CARMIL1: variants seen among roughly 807,000 people sequenced by gnomAD.
The protein encoded by CARMIL1 is capping protein regulator and myosin 1 linker 1, also known as F-actin-uncapping protein LRRC16A.
A neutral mutation model predicts 177.1 loss-of-function variants in CARMIL1; 90 were observed. That is an observed-to-expected ratio of 0.51 (90% CI 0.43 to 0.61). CARMIL1 has a LOEUF of 0.61. Among genes scored for constraint, CARMIL1 ranks in the 20% least tolerant of loss-of-function variants. The pLI, the probability that CARMIL1 is intolerant of heterozygous loss-of-function variation, is 0.00. For missense variants in CARMIL1, 1,380 were observed against 1,667.0 expected, an observed-to-expected ratio of 0.83 and a Z score of 3.00; for synonymous variants, 577 against 606.2, an observed-to-expected ratio of 0.95 and a Z score of 0.71.
chr6:25,440,700 G>A (rs1464460914), intron 5 of CARMIL1, among the ~76,000 whole-genome samples: 1 of 152,078 alleles, frequency 6.6e-6, no homozygotes. Flanking sequence ...TATAAATAAT[G>A]CACAATAGAA....
At chr6:25,385,507 A>C (rs1792062528) in intron 2 of CARMIL1, among the ~76,000 whole-genome samples, 1 of 152,216 alleles carries the variant, frequency 6.6e-6, no homozygotes, top group Non-Finnish European at 1.5e-5. Flanking sequence ...GTAAACATTT[A>C]TTGAGCACTT....
intron 11 of CARMIL1, among the ~76,000 whole-genome samples, chr6:25,481,412 A>C (rs983195343): frequency 6.6e-6 from 1 of 152,242 alleles, no homozygotes; most frequent in Non-Finnish European, 1.5e-5. Flanking sequence ...AAGGGCAGCA[A>C]CCAGCACAGT....
At chr6:25,327,167 G>A (rs1373800753) in intron 2 of CARMIL1, among the ~76,000 whole-genome samples, 2 of 152,148 alleles carry the variant, frequency 1.3e-5, no homozygotes, top group Non-Finnish European at 2.9e-5. Context: ...TATCACCAAG[G>A]AGAGAGATAG....
intron 2 of CARMIL1, among the ~76,000 whole-genome samples, chr6:25,305,094 T>A (rs79860462): frequency 0.028 from 4,254 of 152,308 alleles, 72 homozygotes; most frequent in Non-Finnish European, 0.038. Context: ...TGAGAAGAAT[T>A]ATCTTCCTGC....
chr6:25,461,940 A>G (rs1480528139), intron 8 of CARMIL1, among the ~76,000 whole-genome samples: 3 of 152,062 alleles, frequency 2.0e-5, no homozygotes, highest in Non-Finnish European at 4.4e-5. Flanking sequence ...AATTGTGAGC[A>G]TCCTTTCATG....
chr6:25,520,156 A>G lies in CARMIL1; in HGVS notation c.1875-88A>G, dbSNP rs1806403835. ...AATTTTCTAAGCTACTCTTGCAGCT[A>G]TCCTTTTGGATTTTTAAAAGAAGAG... is the stretch of plus-strand genomic sequence containing the variant. On this transcript the variant is annotated intron_variant, in intron 22 of 36. Transcript: ENST00000329474. 2.6e-5 allele frequency: 17 copies of G among 642,188 alleles called. No homozygotes were observed. The South Asian group carries it at 3.7e-4, about 14-fold the overall frequency. 39.8% of individuals were successfully genotyped at this position (642,188 alleles called of 1,614,324 possible).
At chr6:25,349,635 C>T (rs891697562) in intron 2 of CARMIL1, among the ~76,000 whole-genome samples, 2 of 152,136 alleles carry the variant, frequency 1.3e-5, no homozygotes, top group African/African-American at 4.8e-5. Context: ...TGTTTACCAC[C>T]AGGGATGATC....
At chr6:25,543,008 A>G (rs1809074072) in intron 26 of CARMIL1, among the ~76,000 whole-genome samples, 5 of 152,192 alleles carry the variant, frequency 3.3e-5, no homozygotes, top group Admixed American at 3.3e-4. Flanking sequence ...AACTTGCAAG[A>G]GCTAAAGTCG....
chr6:25,518,245 C>T (rs75139806), intron 22 of CARMIL1, among the ~76,000 whole-genome samples: 88 of 152,226 alleles, frequency 5.8e-4, no homozygotes, highest in African/African-American at 2.0e-3. Flanking sequence ...GTGGTACAAC[C>T]CTAGACTGGG....
At chr6:25,410,138 T>A (rs557364393) in intron 2 of CARMIL1, among the ~76,000 whole-genome samples, 2 of 140,194 alleles carry the variant, frequency 1.4e-5, no homozygotes, top group Admixed American at 7.1e-5. Context: ...AACTATCTTA[T>A]AACTTTGTTC....
intron 2 of CARMIL1, among the ~76,000 whole-genome samples, chr6:25,384,482 A>T (rs1237397476): frequency 6.6e-6 from 1 of 152,214 alleles, no homozygotes; most frequent in African/African-American, 2.4e-5. Flanking sequence ...CTTCTACCAC[A>T]AGAGTGGCCT....
intron 2 of CARMIL1, among the ~76,000 whole-genome samples, chr6:25,364,270 C>T (rs986230917): frequency 8.5e-5 from 13 of 152,112 alleles, no homozygotes; most frequent in Admixed American, 8.5e-4. Context: ...AGGTTTTACA[C>T]ACATTCTTTT....
Position 25,509,148 on chromosome 6 carries a change from G to A in CARMIL1, c.1396-508G>A, listed in dbSNP as rs920901239. Among the ~76,000 whole-genome samples the A allele has an allele frequency of 6.6e-6, 1 of 152,050 alleles. No individual in the cohort carries two copies. Among genetic ancestry groups the A allele is most frequent in the African/African-American group, 2.4e-5 (1 of 41,400 alleles). ...TAGTTAGCTAATATCTGCCTTATGA[G>A]TGAGAACTCACACTCATGTCTTAGA... On this transcript the variant is annotated intron_variant, in intron 17 of 36. Transcript: ENST00000329474. The surrounding 1 kb of genome is among the most constrained non-coding windows in gnomAD (Gnocchi z 4.1).
At chr6:25,518,547 C>G (rs1263682612) in intron 22 of CARMIL1, among the ~76,000 whole-genome samples, 1 of 152,178 alleles carries the variant, frequency 6.6e-6, no homozygotes, top group Non-Finnish European at 1.5e-5. Flanking sequence ...TGCATTGCCA[C>G]TGCATGATTA....
intron 10 of CARMIL1, among the ~76,000 whole-genome samples, chr6:25,472,158 A>G (rs1369982320): frequency 6.6e-6 from 1 of 151,952 alleles, no homozygotes. Context: ...GCCAGAAAGT[A>G]CTGTTAATAG....
chr6:25,586,798 A>G (rs2151272502), intron 31 of CARMIL1, among the ~76,000 whole-genome samples: 1 of 152,140 alleles, frequency 6.6e-6, no homozygotes, highest in East Asian at 1.9e-4. Flanking sequence ...ACCAAAAAAT[A>G]CAAAAACCAG....
At chr6:25,603,518 T>G (rs982545117) in intron 33 of CARMIL1, among the ~76,000 whole-genome samples, 1 of 152,168 alleles carries the variant, frequency 6.6e-6, no homozygotes, top group Non-Finnish European at 1.5e-5. Flanking sequence ...GAATGAGGCT[T>G]ATCTCACCTG....
At chr6:25,594,981 T>TG (rs1444908544) in intron 32 of CARMIL1, among the ~76,000 whole-genome samples, 2 of 152,176 alleles carry the variant, frequency 1.3e-5, no homozygotes, top group African/African-American at 4.8e-5. Context: ...TTTATTGGGT[T>TG]GGGGGGCTAA....
chr6:25,325,659 C>T (rs924464978), intron 2 of CARMIL1, among the ~76,000 whole-genome samples: 3 of 152,122 alleles, frequency 2.0e-5, no homozygotes, highest in Non-Finnish European at 2.9e-5. Context: ...TCCATTTATA[C>T]AACAAAAAGT....
Sources: allele counts gnomAD v4.1 joint callset (sites outside exome capture counted in the v4.1 genomes callset), GRCh38; gene constraint gnomAD v4.1.1; non-coding constraint Gnocchi (gnomAD v3.1); transcripts MANE v1.5; gene names NCBI Gene and HGNC (gene_info 2026-07-23, HGNC 2026-07-21).